Variants in DYNLT1 observed in about 807,000 individuals in gnomAD.
DYNLT1 encodes the protein dynein light chain Tctex-type 1.
DYNLT1 carries 18 observed loss-of-function variants against 19.6 expected under a neutral mutation model. The ratio of observed to expected loss-of-function variants is 0.92; its 90% CI spans 0.64 to 1.36. DYNLT1 has a LOEUF of 1.36. Ranked by LOEUF, DYNLT1 falls within the 40% of genes most tolerant of loss-of-function variation. The probability of loss-of-function intolerance (pLI) is 0.00; values close to 1 mark genes in which losing one functional copy is unlikely to be tolerated. For missense variants in DYNLT1, 137 were observed against 139.3 expected, an observed-to-expected ratio of 0.98 and a Z score of 0.08; for synonymous variants, 56 against 44.0, an observed-to-expected ratio of 1.27 and a Z score of -1.07.
At position 158,636,778 on chromosome 6, in the gene DYNLT1, G is replaced by T; in HGVS notation, c.*49C>A. On this transcript the variant is annotated 3_prime_UTR_variant, in exon 5 of 5. Coordinates refer to ENST00000367089, the MANE Select transcript of DYNLT1 (RefSeq NM_006519.4). Reference sequence around the variant, plus strand: ...TCACTGAATTCATGGCTGGTGGTTAGAGGATGAACTAGAGACAAAAGGAGA... The same window carrying T: ...TCACTGAATTCATGGCTGGTGGTTATAGGATGAACTAGAGACAAAAGGAGA... 6.4e-7 allele frequency: 1 copy of T among 1,553,502 alleles called. No individual in the cohort carries two copies. Among genetic ancestry groups the T allele is most frequent in the Non-Finnish European group, 8.8e-7 (1 of 1,139,806 alleles).
At chr6:158,637,615 C>G in intron 3 of DYNLT1, 156 bp downstream of exon 3, 1 of 1,135,418 alleles carries the variant, frequency 8.8e-7, no homozygotes, top group Non-Finnish European at 1.3e-6. Context: ...GCCAAATGGT[C>G]AAGCGTACGC....
At chr6:158,643,470 C>T (rs1787207333) in intron 1 of DYNLT1, among the ~76,000 whole-genome samples, 1 of 152,100 alleles carries the variant, frequency 6.6e-6, no homozygotes, top group South Asian at 2.1e-4. Flanking sequence ...CCTCCTTAAA[C>T]GAAATTTTTT....
intron 2 of DYNLT1, among the ~76,000 whole-genome samples, chr6:158,639,800 C>T (rs1787098440): frequency 6.6e-6 from 1 of 152,200 alleles, no homozygotes; most frequent in South Asian, 2.1e-4. Context: ...CCTGCCTCAG[C>T]CTCCCAAGGA....
chr6:158,636,858 C>T lies in DYNLT1; in HGVS notation c.311G>A (p.Cys104Tyr), dbSNP rs1361868462. Residue 104 changes from cysteine (C) to tyrosine (Y), a missense_variant, in exon 5 of 5, where the codon TGC (cysteine) becomes TAC (tyrosine). Cys to Tyr is a radical substitution (Grantham distance 194). Coordinates refer to ENST00000367089, the MANE Select transcript of DYNLT1 (RefSeq NM_006519.4). ...TVRWENKTMY[C>Y]IVSAFGLSI is the part of the protein sequence containing the mutation. ...AGACAGTCCGAAGGCACTGACGATG[C>T]AGTACATGGTCTTATTCTCCCATCG... The T allele has an allele frequency of 5.0e-6, 8 of 1,613,216 alleles. No homozygotes were observed. The highest frequency in any genetic ancestry group is 6.8e-6 in the Non-Finnish European group (8 of 1,179,610).
intron 2 of DYNLT1, 123 bp from the exon 3 acceptor site, chr6:158,638,017 C>G: frequency 6.9e-7 from 1 of 1,451,010 alleles, no homozygotes; most frequent in African/African-American, 1.4e-5. Context: ...CATGAGGGTG[C>G]CTTTGCAAAT....
rs1787325286 is a variant in DYNLT1, at chr6:158,644,718, GGCGCGTCC to G, written c.-18_-11del. ...CCTGGTAGTCTTCCATCTTTCCTCC[GGCGCGTCC>G]CCTCCGGCTCCCTGAGTGGCGCGGA... On this transcript the variant is annotated 5_prime_UTR_variant, in exon 1 of 5. Coordinates refer to ENST00000367089, the MANE Select transcript of DYNLT1 (RefSeq NM_006519.4). The G allele has an allele frequency of 1.9e-6, 3 of 1,611,122 alleles. No individual in the cohort carries two copies. The highest frequency in any genetic ancestry group is 2.5e-6 in the Non-Finnish European group (3 of 1,179,676).
At chr6:158,637,432 G>T (rs566782048) in intron 3 of DYNLT1, 23 of 619,038 alleles carry the variant, frequency 3.7e-5, no homozygotes, top group Non-Finnish European at 6.6e-5. Context: ...GAAAATGTAA[G>T]TTGCAAATGC....
intron 4 of DYNLT1, 62 bp from the exon 5 acceptor site, chr6:158,636,959 C>T: frequency 2.5e-6 from 4 of 1,578,730 alleles, no homozygotes; most frequent in East Asian, 4.6e-5. Flanking sequence ...GTTTTACTCA[C>T]AATAAGGCCA....
At position 158,637,971 on chromosome 6, in the gene DYNLT1, C is replaced by A. The variant is rs539114471; in HGVS notation, c.70-77G>T. 2,085 of 1,555,898 alleles carry A rather than the reference C, an allele frequency of 1.3e-3. 1 individual carries two copies. Among genetic ancestry groups the A allele is most frequent in the Non-Finnish European group, 1.8e-3 (2,033 of 1,157,254 alleles). ...ACCTTTCAATCAGGAACTGACGGCA[C>A]CCCAAGAAGTGATTTATGAAAAGTT... On this transcript the variant is annotated intron_variant, in intron 2 of 4. Coordinates refer to ENST00000367089, the MANE Select transcript of DYNLT1 (RefSeq NM_006519.4).
intron 2 of DYNLT1, 97 bp downstream of exon 2, chr6:158,641,222 G>A: frequency 8.7e-7 from 1 of 1,150,682 alleles, no homozygotes; most frequent in Non-Finnish European, 1.2e-6. Context: ...AAAACACACA[G>A]ACTCAGTCGA....
rs777358326 is a variant in DYNLT1 at position 158,637,206 on chromosome 6, CTT to C, written c.194-3_194-2del. On this transcript the variant is annotated splice_acceptor_variant and splice_polypyrimidine_tract_variant and intron_variant, in intron 3 of 4. Coordinates refer to ENST00000367089, the MANE Select transcript of DYNLT1 (RefSeq NM_006519.4). LOFTEE classifies it high-confidence loss of function. ...TTCTTCTGCATAATTACACAGGTCA[CTT>C]AAGTTAAAACAAATTTTTGTTAGAG... is the stretch of plus-strand genomic sequence containing the variant. 1 of 1,613,152 alleles carries C rather than the reference CTT, an allele frequency of 6.2e-7. No homozygotes were observed. Among genetic ancestry groups the C allele is most frequent in the East Asian group, 2.2e-5 (1 of 44,886 alleles).
intron 4 of DYNLT1, 25 bp downstream of exon 4, chr6:158,637,101 CTT>C (rs1213613286): frequency 6.2e-7 from 1 of 1,614,010 alleles, no homozygotes; most frequent in South Asian, 1.1e-5. Flanking sequence ...CACAACAAAA[CTT>C]CACAAACATG....
rs1787130546 is a variant in DYNLT1 at position 158,641,355 on chromosome 6, A to C, written c.33T>G (p.Ala11=). The change falls in exon 2 of 5, where the codon GCT becomes GCG. Residue 11 remains alanine (A), a synonymous_variant. Transcript: ENST00000367089. Reference sequence around the variant, plus strand: ...TGTTGCTCACTTCATCAACAACAAAAGCAGTCTGTAAGGAAGAACATTCAG... The same window carrying C: ...TGTTGCTCACTTCATCAACAACAAACGCAGTCTGTAAGGAAGAACATTCAG... MEDYQAAEET[A]FVVDEVSNIV... 6.3e-7 allele frequency: 1 copy of C among 1,597,328 alleles called. No homozygotes were observed. The highest frequency in any genetic ancestry group is 8.5e-7 in the Non-Finnish European group (1 of 1,174,580).
In DYNLT1 at chr6:158,636,707, T is replaced by C. The variant is rs1050982861; in HGVS notation, c.*120A>G. ...ACAGTGCGGTCATTTGGTTTTTTCC[T>C]CTACATTGTGAAAGTGCCACAAAAC... is the stretch of plus-strand genomic sequence containing the variant. On this transcript the variant is annotated 3_prime_UTR_variant, in exon 5 of 5. Transcript: ENST00000367089. 1 of 1,233,958 alleles carries C rather than the reference T, an allele frequency of 8.1e-7. No individual in the cohort carries two copies. The highest frequency in any genetic ancestry group is 1.5e-5 in the African/African-American group (1 of 66,362). 76.4% of individuals were successfully genotyped at this position (1,233,958 alleles called of 1,614,324 possible).
chr6:158,638,360 A>C (rs1033062596), intron 2 of DYNLT1, among the ~76,000 whole-genome samples: 2 of 152,258 alleles, frequency 1.3e-5, no homozygotes, highest in African/African-American at 4.8e-5. Flanking sequence ...TACCACATTA[A>C]GTGCATTTTT....
In DYNLT1 at chr6:158,644,671, C is replaced by G. The variant is rs779009233; in HGVS notation, c.27+11G>C. ...AGGCCTCCACCCTTCCGTCGCCGAC[C>G]CGGCGGTTACCTCCTCCGCAGCCTG... On this transcript the variant is annotated intron_variant, in intron 1 of 4. Coordinates refer to ENST00000367089, the MANE Select transcript of DYNLT1 (RefSeq NM_006519.4). 42 of 1,612,044 alleles carry G rather than the reference C, an allele frequency of 2.6e-5. No individual in the cohort carries two copies. Among genetic ancestry groups the G allele is most frequent in the Middle Eastern group, 1.6e-4 (1 of 6,062 alleles).
intron 2 of DYNLT1, among the ~76,000 whole-genome samples, chr6:158,640,847 A>T (rs1442930218): frequency 6.6e-6 from 1 of 152,232 alleles, no homozygotes; most frequent in Non-Finnish European, 1.5e-5. Flanking sequence ...TTTCTGAATG[A>T]GTAACAAACA....
intron 2 of DYNLT1, among the ~76,000 whole-genome samples, 179 bp downstream of exon 2, chr6:158,641,140 T>C (rs368246718): frequency 1.3e-5 from 2 of 152,260 alleles, no homozygotes; most frequent in African/African-American, 2.4e-5. Context: ...ATTTAAAATA[T>C]GTAATTTACA....
chr6:158,643,607 G>C (rs568941122), intron 1 of DYNLT1, among the ~76,000 whole-genome samples: 1 of 152,004 alleles, frequency 6.6e-6, no homozygotes, highest in Middle Eastern at 3.2e-3. Flanking sequence ...TCGGCCTCCC[G>C]AATAGCTGGG....
Sources: allele counts gnomAD v4.1 joint callset (sites outside exome capture counted in the v4.1 genomes callset), GRCh38; gene constraint gnomAD v4.1.1; transcripts MANE v1.5; gene names NCBI Gene and HGNC (gene_info 2026-07-23, HGNC 2026-07-21).